TNPO3: variants seen among roughly 807,000 people sequenced by gnomAD.
TNPO3 encodes transportin-3.
A neutral mutation model predicts 122.8 loss-of-function variants in TNPO3; 65 were observed. The ratio of observed to expected loss-of-function variants is 0.53; its 90% CI spans 0.43 to 0.65. TNPO3 has a LOEUF of 0.65. Ranked by LOEUF, TNPO3 falls within the 30% of genes least tolerant of loss-of-function variation. The probability of loss-of-function intolerance (pLI) is 0.00; values close to 1 mark genes in which losing one functional copy is unlikely to be tolerated. For synonymous variants in TNPO3, 372 were observed against 411.2 expected, an observed-to-expected ratio of 0.90 and a Z score of 1.15; for missense variants, 850 against 1,136.7, an observed-to-expected ratio of 0.75 and a Z score of 3.63.
intron 18 of TNPO3, among the ~76,000 whole-genome samples, chr7:128,972,941 G>A (rs1798639865): frequency 1.3e-5 from 2 of 152,128 alleles, no homozygotes; most frequent in Admixed American, 6.5e-5. Context: ...TGTGTGTTAG[G>A]AGGGAGGGGT....
intron 1 of TNPO3, among the ~76,000 whole-genome samples, chr7:129,048,874 T>G (rs1443783594): frequency 1.3e-5 from 2 of 152,240 alleles, no homozygotes; most frequent in African/African-American, 4.8e-5. Context: ...TTTATCTTAA[T>G]AACCATGGTT....
rs556743682 is a variant in TNPO3, at chr7:129,036,043, T to G, written c.121-17886A>C. On this transcript the variant is annotated intron_variant, in intron 1 of 22. Coordinates refer to ENST00000265388, the MANE Select transcript of TNPO3 (RefSeq NM_012470.4). ...ATCTCAGCTCACTGTAATCACCGCC[T>G]CCCGGATTCAAGTGATTCTCCTGCC... Among the ~76,000 whole-genome samples the G allele has an allele frequency of 2.8e-3, 408 of 144,020 alleles. 1 individual carries two copies. Among genetic ancestry groups the G allele is most frequent in the Non-Finnish European group, 5.1e-3 (340 of 66,462 alleles). 94.5% of individuals were successfully genotyped at this position (144,020 alleles called of 152,430 possible).
At chr7:129,002,734 C>T (rs569660192) in intron 5 of TNPO3, among the ~76,000 whole-genome samples, 68 of 152,080 alleles carry the variant, frequency 4.5e-4, no homozygotes, top group South Asian at 1.9e-3. Flanking sequence ...CTGGCTAACA[C>T]AGTGAAACCC....
rs572521445 is a variant in TNPO3 at position 129,019,268 on chromosome 7, A to G, written c.121-1111T>C. On this transcript the variant is annotated intron_variant, in intron 1 of 22. Coordinates refer to ENST00000265388, the MANE Select transcript of TNPO3 (RefSeq NM_012470.4). ...TAATTCTAATCCAATTCTACACTCA[A>G]CAGCCTCTGGAAGAAGACTAACATG... Among the ~76,000 whole-genome samples, 26 of 152,326 alleles carry G rather than the reference A, an allele frequency of 1.7e-4. 1 individual carries two copies. In the South Asian group the frequency reaches 5.2e-3, roughly 30 times the overall value.
Position 129,054,652 on chromosome 7 carries a change from G to T in TNPO3, c.119C>A (p.Ser40Ter). 6.2e-7 allele frequency: 1 copy of T among 1,613,720 alleles called. No homozygotes were observed. Among genetic ancestry groups the T allele is most frequent in the Non-Finnish European group, 8.5e-7 (1 of 1,180,014 alleles). ...ASFWLGELQR[S>*]VHAWEISDQL... ...GAACTGCCTCTCTGGGCCCCTCACC[G>T]AACGCTGCAGCTCCCCAAGCCAAAA... Residue 40 changes from serine (S) to a stop codon, truncating the protein, a stop_gained and splice_region_variant, in exon 1 of 23, where the codon TCG becomes TAG. Coordinates refer to ENST00000265388, the MANE Select transcript of TNPO3 (RefSeq NM_012470.4). LOFTEE classifies it high-confidence loss of function.
chr7:128,998,761 C>T (rs1432248548), intron 7 of TNPO3, among the ~76,000 whole-genome samples: 3 of 152,168 alleles, frequency 2.0e-5, no homozygotes, highest in Non-Finnish European at 4.4e-5. Context: ...TGGGCTCAAG[C>T]AATCCTCCCA....
chr7:129,005,422 T>C (rs1802461477), intron 4 of TNPO3, among the ~76,000 whole-genome samples: 1 of 152,150 alleles, frequency 6.6e-6, no homozygotes. Flanking sequence ...ATCTACTTAA[T>C]CCCCGAAATG....
intron 1 of TNPO3, among the ~76,000 whole-genome samples, chr7:129,049,012 C>A (rs2150564825): frequency 6.6e-6 from 1 of 152,296 alleles, no homozygotes; most frequent in Middle Eastern, 3.4e-3. Flanking sequence ...GTAAAGTTCT[C>A]TAGGCATTCA....
intron 21 of TNPO3, among the ~76,000 whole-genome samples, chr7:128,960,752 A>T (rs1351123809): frequency 2.0e-5 from 3 of 150,606 alleles, no homozygotes; most frequent in Non-Finnish European, 3.0e-5. Flanking sequence ...GAGTTAATTT[A>T]TTATTATTAT....
Position 128,993,881 on chromosome 7 carries a change from C to G in TNPO3, c.1192G>C (p.Glu398Gln). The G allele has an allele frequency of 6.2e-7, 1 of 1,614,130 alleles. No homozygotes were observed. The highest frequency in any genetic ancestry group is 8.5e-7 in the Non-Finnish European group (1 of 1,180,022). Residue 398 changes from glutamate (E) to glutamine (Q), a missense_variant, in exon 9 of 23, where the codon GAG becomes CAG. Physicochemically the swap from Glu to Gln is conservative, Grantham distance 29 (BLOSUM62 2). Transcript: ENST00000265388. ...GVPEETDDFG[E>Q]FRMRVSDLVK... The stretch of plus-strand genomic sequence containing the variant: ...AGGTCTGATACCCTCATGCGAAACT[C>G]CCCAAAGTCATCAGTCTCCTCAGGA...
intron 7 of TNPO3, among the ~76,000 whole-genome samples, chr7:128,998,004 A>ATT (rs71162546): frequency 5.4e-5 from 7 of 129,414 alleles, no homozygotes; most frequent in African/African-American, 5.8e-5. Context: ...AGCTCAGCTA[A>ATT]TTTTTTTTTT....
chr7:128,996,511 AG>A (rs1348786107), intron 8 of TNPO3, among the ~76,000 whole-genome samples: 1 of 152,094 alleles, frequency 6.6e-6, no homozygotes, highest in Non-Finnish European at 1.5e-5. Flanking sequence ...TGGGAGGCTG[AG>A]GTGGGTGGAT....
chr7:129,056,016 G>T (rs751227238), upstream of TNPO3: 3 of 1,042,392 alleles, frequency 2.9e-6, no homozygotes, highest in African/African-American at 1.6e-5. Flanking sequence ...CAGCTCCAGC[G>T]CCATGGCGCC....
chr7:128,990,187 G>T, intron 10 of TNPO3, 87 bp from the exon 11 acceptor site: 2 of 1,393,136 alleles, frequency 1.4e-6, no homozygotes, highest in Non-Finnish European at 2.0e-6. Flanking sequence ...ACACAGCATT[G>T]CTAAAGGGCT....
intron 18 of TNPO3, 116 bp from the exon 19 acceptor site, chr7:128,972,698 C>T: frequency 1.1e-6 from 1 of 915,918 alleles, no homozygotes; most frequent in Non-Finnish European, 1.6e-6. Flanking sequence ...TGGGGGGTTT[C>T]AGGGAAGAAG....
chr7:129,054,816 G>C lies in TNPO3; in HGVS notation c.-46C>G, dbSNP rs769786328. ...TAGCGACGGCTCTGATTCTTCTCCG[G>C]AGGATTCCTCGGTTGCTCCGCCTTC... On this transcript the variant is annotated 5_prime_UTR_variant, in exon 1 of 23. Transcript: ENST00000265388. The C allele has an allele frequency of 4.3e-6, 7 of 1,612,550 alleles. No individual in the cohort carries two copies. Among genetic ancestry groups the C allele is most frequent in the Non-Finnish European group, 5.9e-6 (7 of 1,179,336 alleles).
In TNPO3 at chr7:129,017,977, A is replaced by T; in HGVS notation, c.301T>A (p.Ser101Thr). 1 of 1,614,210 alleles carries T rather than the reference A, an allele frequency of 6.2e-7. No homozygotes were observed. Among genetic ancestry groups the T allele is most frequent in the Non-Finnish European group, 8.5e-7 (1 of 1,180,024 alleles). The change falls in exon 2 of 23, where the codon TCA becomes ACA. Residue 101 changes from serine to threonine, a missense_variant. Physicochemically the swap from Ser to Thr is moderately conservative, Grantham distance 58. Transcript: ENST00000265388. ...TTTACCTGCGTTACAATAACAGGTG[A>T]CAAGTCTTTCAAGTTCTGGATATGG... is the stretch of plus-strand genomic sequence containing the variant. Reference protein sequence around the residue: ...LTHIQNLKDLSPVIVTQLALA... With the variant: ...LTHIQNLKDLTPVIVTQLALA...
Position 129,020,956 on chromosome 7 carries a change from G to A in TNPO3, c.121-2799C>T, listed in dbSNP as rs138874410. On this transcript the variant is annotated intron_variant, in intron 1 of 22. Coordinates refer to ENST00000265388, the MANE Select transcript of TNPO3 (RefSeq NM_012470.4). ...TAGTCTCAGTAAATGTGGAAGCAGA[G>A]GCAAACAACAGGGTGTCTACTGGAC... Among the ~76,000 whole-genome samples the A allele has an allele frequency of 4.9e-4, 74 of 152,244 alleles. No individual in the cohort carries two copies. In the Middle Eastern group the frequency reaches 0.014, roughly 28 times the overall value.
intron 1 of TNPO3, chr7:129,029,697 C>T (rs1167701591): frequency 1.3e-5 from 2 of 152,126 alleles, no homozygotes; most frequent in Non-Finnish European, 2.9e-5. Context: ...TTTCATGTGG[C>T]ATCAGCTTTC....
Sources: gnomAD v4.1 joint callset for allele counts (sites outside exome capture counted in the v4.1 genomes callset) on GRCh38, gnomAD v4.1.1 for gene constraint, MANE v1.5 for transcripts, NCBI Gene and HGNC (gene_info 2026-07-23, HGNC 2026-07-21) for gene names.